MROH2B: variants seen among roughly 807,000 people sequenced by gnomAD.
The protein encoded by MROH2B is maestro heat like repeat family member 2B.
MROH2B carries 177 observed loss-of-function variants against 208.6 expected under a neutral mutation model. That is an observed-to-expected ratio of 0.85 (90% CI 0.75 to 0.96). The LOEUF (loss-of-function observed/expected upper bound fraction) is 0.96. Ranked by LOEUF, MROH2B falls within the 40% of genes least tolerant of loss-of-function variation. The pLI is 0.00. For synonymous variants in MROH2B, 728 were observed against 659.0 expected (o/e 1.10, Z -1.60); for missense variants, 2,002 against 1,878.7 (o/e 1.07, Z -1.21).
intron 1 of MROH2B, 104 bp from the exon 2 acceptor site, chr5:41,069,856 T>C: frequency 1.3e-6 from 1 of 765,424 alleles, no homozygotes; most frequent in East Asian, 2.8e-5. Flanking sequence ...TTATCCTCTC[T>C]CTCTCTCTCT....
rs984103935 is a variant in MROH2B at position 41,058,107 on chromosome 5, G to A, written c.712C>T (p.Leu238=). ...ATCTCTTTGTCTTTATACTGGTTCA[G>A]GAGCCAGGGCACCTGGCCCAGGGCG... ...GYALGQVPWL[L]NQYKDKEIDF... The change falls in exon 7 of 42, where the codon CTG becomes TTG. Residue 238 remains leucine (L), a synonymous_variant. Transcript: ENST00000399564. The A allele has an allele frequency of 3.7e-6, 6 of 1,606,014 alleles. No homozygotes were observed. The highest frequency in any genetic ancestry group is 4.3e-6 in the Non-Finnish European group (5 of 1,176,006).
At chr5:41,058,917 G>T (rs1048814716) in intron 6 of MROH2B, among the ~76,000 whole-genome samples, 2 of 151,244 alleles carry the variant, frequency 1.3e-5, no homozygotes, top group South Asian at 2.1e-4. Flanking sequence ...GCATGGTGGT[G>T]GGCGCCTGTA....
In MROH2B at chr5:41,052,498, G is replaced by C. The variant is rs1348002995; in HGVS notation, c.1197C>G (p.Val399=). ...AREGWPLIDY[V]FSQFATLNRN... ...TGTTCAACGTTGCAAACTGGGAGAA[G>C]ACATAATCAATCAATGGCCATCCTT... Residue 399 remains valine, a synonymous_variant, in exon 12 of 42, where the codon GTC becomes GTG. Coordinates refer to ENST00000399564, the MANE Select transcript of MROH2B (RefSeq NM_173489.5). 3.7e-6 allele frequency: 6 copies of C among 1,612,986 alleles called. No individual in the cohort carries two copies. Among genetic ancestry groups the C allele is most frequent in the Non-Finnish European group, 5.1e-6 (6 of 1,179,332 alleles).
chr5:41,017,930 A>G lies in MROH2B; in HGVS notation c.2804T>C (p.Leu935Pro). The change falls in exon 28 of 42, where the codon CTG becomes CCG. Residue 935 changes from leucine to proline, a missense_variant. Transcript: ENST00000399564. ...NFKIGSLLGL[L>P]APHSCDTLPT... The stretch of plus-strand genomic sequence containing the variant: ...CAGGGTATCACAGGAGTGAGGAGCC[A>G]GAAGTCCAAGCAGTGAACCAATTTT... 1 of 1,582,150 alleles carries G rather than the reference A, an allele frequency of 6.3e-7. No individual in the cohort carries two copies.
At chr5:40,999,382 C>A (rs1347301606) in intron 40 of MROH2B, among the ~76,000 whole-genome samples, 1 of 151,838 alleles carries the variant, frequency 6.6e-6, no homozygotes, top group African/African-American at 2.4e-5. Flanking sequence ...CAGCTGGGAG[C>A]AAAGATCTGG....
chr5:41,041,376 C>A (rs1030693261), intron 19 of MROH2B, among the ~76,000 whole-genome samples: 3 of 152,092 alleles, frequency 2.0e-5, no homozygotes, highest in African/African-American at 7.2e-5. Flanking sequence ...CCTGTAATCC[C>A]AGCGCTTTGG....
chr5:41,005,499 G>C (rs1192194265), intron 35 of MROH2B, 32 bp downstream of exon 35: 1 of 1,475,770 alleles, frequency 6.8e-7, no homozygotes. Flanking sequence ...TGGGGACCCA[G>C]TGAGTGTGCT....
At chr5:41,045,695 A>G (rs1169661639) in intron 18 of MROH2B, 51 bp downstream of exon 18, 6 of 1,398,124 alleles carry the variant, frequency 4.3e-6, no homozygotes, top group Non-Finnish European at 6.1e-6. Flanking sequence ...TAGAGCAGCC[A>G]TTTTGGATCA....
At chr5:41,004,716 A>C in intron 36 of MROH2B, 58 bp downstream of exon 36, 2 of 1,575,162 alleles carry the variant, frequency 1.3e-6, no homozygotes, top group Non-Finnish European at 1.7e-6. Context: ...GTGGGTTATT[A>C]AATCATTATT....
chr5:41,049,538 G>T, intron 13 of MROH2B, 102 bp from the exon 14 acceptor site: 2 of 1,417,200 alleles, frequency 1.4e-6, no homozygotes, highest in Non-Finnish European at 1.9e-6. Flanking sequence ...CTTTTCTCCT[G>T]TTATTATTTT....
At chr5:41,015,516 A>C (rs754957651) in intron 28 of MROH2B, 38 bp from the exon 29 acceptor site, 2 of 1,583,642 alleles carry the variant, frequency 1.3e-6, no homozygotes, top group East Asian at 4.5e-5. Flanking sequence ...AAGTGTTCAA[A>C]GACCTGATAG....
intron 36 of MROH2B, 26 bp downstream of exon 36, chr5:41,004,748 C>T (rs777763468): frequency 1.2e-6 from 2 of 1,603,428 alleles, no homozygotes; most frequent in Non-Finnish European, 1.7e-6. Context: ...CTTAAATGAA[C>T]CATTTCCCCT....
Position 41,018,348 on chromosome 5 carries a change from T to C in MROH2B, c.2756A>G (p.Asp919Gly), listed in dbSNP as rs751660450. Residue 919 changes from aspartate (D) to glycine (G), a missense_variant, in exon 27 of 42, where the codon GAT becomes GGT. Transcript: ENST00000399564. ...FQITAKVLTN[D>G]IEAPENFKIG... is the part of the protein sequence containing the mutation. Reference sequence around the variant, plus strand: ...TTCTAGGGGATTACTTACCTCAATATCATTTGTCAGCACTTTCGCAGTGAT... The same window carrying C: ...TTCTAGGGGATTACTTACCTCAATACCATTTGTCAGCACTTTCGCAGTGAT... 2 of 1,612,366 alleles carry C rather than the reference T, an allele frequency of 1.2e-6. No homozygotes were observed. The highest frequency in any genetic ancestry group is 1.7e-5 in the Admixed American group (1 of 59,734).
intron 2 of MROH2B, among the ~76,000 whole-genome samples, chr5:41,068,880 G>A (rs564997577): frequency 2.0e-5 from 3 of 152,152 alleles, no homozygotes; most frequent in Non-Finnish European, 4.4e-5. Flanking sequence ...CAGAATCCCT[G>A]GTAGTAGGGC....
rs78481079 is a variant in MROH2B, at chr5:41,008,599, C to T, written c.3608+7G>A. On this transcript the variant is annotated splice_region_variant and intron_variant, in intron 33 of 41. Coordinates refer to ENST00000399564, the MANE Select transcript of MROH2B (RefSeq NM_173489.5). ...CTGTGGAAGATGCTTCCTGATTGGC[C>T]GTTTACCTGCAGGGGTCTGGGATCT... 6.2e-5 allele frequency: 100 copies of T among 1,612,870 alleles called. No individual in the cohort carries two copies. In the East Asian group the frequency reaches 1.4e-3, roughly 23 times the overall value.
intron 18 of MROH2B, among the ~76,000 whole-genome samples, chr5:41,043,341 A>C (rs2150172387): frequency 6.6e-6 from 1 of 152,322 alleles, no homozygotes; most frequent in East Asian, 1.9e-4. Flanking sequence ...TCCCTATAAT[A>C]AGGAAATTAT....
At position 41,000,279 on chromosome 5, in the gene MROH2B, G is replaced by A; in HGVS notation, c.4423C>T (p.Leu1475Phe). The change falls in exon 39 of 42, where the codon CTC becomes TTC. Residue 1475 changes from leucine to phenylalanine, a missense_variant. Coordinates refer to ENST00000399564, the MANE Select transcript of MROH2B (RefSeq NM_173489.5). The part of the protein sequence containing the change: ...LQELYGVLDR[L>F]LDQDLPRARD... ...GCCCTTGGTAGATCCTGATCAAGGA[G>A]ACGGTCTAATACCCCATAGAGCTCC... 6.2e-7 allele frequency: 1 copy of A among 1,613,914 alleles called. No homozygotes were observed. Among genetic ancestry groups the A allele is most frequent in the Non-Finnish European group, 8.5e-7 (1 of 1,179,844 alleles).
At chr5:41,014,447 G>A (rs183526769) in intron 29 of MROH2B, among the ~76,000 whole-genome samples, 1 of 152,254 alleles carries the variant, frequency 6.6e-6, no homozygotes, top group Non-Finnish European at 1.5e-5. Context: ...TGGGGTAGGG[G>A]GGTGCGGAGG....
chr5:41,024,054 C>A (rs1282842301), intron 24 of MROH2B, among the ~76,000 whole-genome samples: 1 of 152,142 alleles, frequency 6.6e-6, no homozygotes, highest in African/African-American at 2.4e-5. Context: ...TGGTAAAGAA[C>A]AACCAGTACC....
Sources: gnomAD v4.1 joint callset for allele counts (sites outside exome capture counted in the v4.1 genomes callset) on GRCh38, gnomAD v4.1.1 for gene constraint, MANE v1.5 for transcripts, NCBI Gene and HGNC (gene_info 2026-07-23, HGNC 2026-07-21) for gene names.